The following STARD13 variants were observed in gnomAD, a reference collection of about 807,000 sequenced individuals.
The protein encoded by STARD13 is stAR-related lipid transfer protein 13.
STARD13 carries 62 observed loss-of-function variants against 106.4 expected under a neutral mutation model. The ratio of observed to expected loss-of-function variants is 0.58; its 90% CI spans 0.48 to 0.72. The LOEUF (loss-of-function observed/expected upper bound fraction) is 0.72. Among genes scored for constraint, STARD13 ranks in the 30% least tolerant of loss-of-function variants. The pLI is 0.00. For missense variants in STARD13, 1,387 were observed against 1,424.0 expected (o/e 0.97, Z 0.42); for synonymous variants, 565 against 553.0 (o/e 1.02, Z -0.31).
At chr13:33,275,115 G>A (rs916883453) in intron 1 of STARD13, among the ~76,000 whole-genome samples, 1 of 152,130 alleles carries the variant, frequency 6.6e-6, no homozygotes, top group Non-Finnish European at 1.5e-5. Context: ...GGCCAGTTCA[G>A]GGCAACTTGA....
At chr13:33,530,744 G>A in the STARD13 span, among the ~76,000 whole-genome samples, 38 of 152,190 alleles carry the variant, frequency 2.5e-4, no homozygotes, top group Admixed American at 9.2e-4. Context: ...CTATTCATGC[G>A]AAATACCTAT....
the STARD13 span, among the ~76,000 whole-genome samples, chr13:33,426,024 G>C: frequency 7.2e-5 from 11 of 152,170 alleles, no homozygotes; most frequent in African/African-American, 2.7e-4. Flanking sequence ...TTATTTTTGG[G>C]TTATCTAGGC....
chr13:33,565,377 A>G, the STARD13 span, among the ~76,000 whole-genome samples: 1 of 148,090 alleles, frequency 6.8e-6, no homozygotes, highest in East Asian at 2.0e-4. Flanking sequence ...CAAATATTTA[A>G]GGTGATAAAT....
At chr13:33,355,486 T>C (rs1480221028), upstream of STARD13, 1 of 152,248 alleles carries the variant, frequency 6.6e-6, no homozygotes, top group Non-Finnish European at 1.5e-5. Flanking sequence ...CATTATTTCA[T>C]GTTGCTTGCA....
At chr13:33,502,778 C>T in the STARD13 span, among the ~76,000 whole-genome samples, 85 of 152,278 alleles carry the variant, frequency 5.6e-4, 1 homozygote, top group African/African-American at 2.0e-3. Flanking sequence ...CTGCTAGATT[C>T]GGTTTGCCAG....
chr13:33,301,709 C>A (rs948271678), intron 1 of STARD13, among the ~76,000 whole-genome samples: 1 of 151,480 alleles, frequency 6.6e-6, no homozygotes, highest in African/African-American at 2.4e-5. Flanking sequence ...CTGGGACTAC[C>A]GGCACCCGCC....
At chr13:33,251,149 A>G (rs1481364836) in intron 1 of STARD13, among the ~76,000 whole-genome samples, 1 of 152,214 alleles carries the variant, frequency 6.6e-6, no homozygotes, top group Admixed American at 6.5e-5. Context: ...TATTTATAAA[A>G]TATCATCACA....
the STARD13 span, among the ~76,000 whole-genome samples, chr13:33,634,589 C>T: frequency 6.6e-6 from 1 of 152,164 alleles, no homozygotes; most frequent in African/African-American, 2.4e-5. Context: ...ATTCTCCTTT[C>T]TTACATCCAA....
chr13:33,415,252 C>T, the STARD13 span, among the ~76,000 whole-genome samples: 4 of 152,120 alleles, frequency 2.6e-5, no homozygotes, highest in Non-Finnish European at 5.9e-5. Flanking sequence ...CCTGTAGTCC[C>T]GGCTACTCAG....
At chr13:33,186,137 G>A in intron 1 of STARD13, 12 of 1,279,534 alleles carry the variant, frequency 9.4e-6, no homozygotes, top group Non-Finnish European at 1.2e-5. Flanking sequence ...AGCCTCAGCT[G>A]AGATTCCAAG....
the STARD13 span, among the ~76,000 whole-genome samples, chr13:33,564,115 C>T: frequency 1.4e-5 from 2 of 141,306 alleles, 1 homozygote; most frequent in Non-Finnish European, 3.0e-5. Flanking sequence ...CACTTGAACC[C>T]GGGAATTGCT....
the STARD13 span, among the ~76,000 whole-genome samples, chr13:33,622,050 C>G: frequency 6.6e-6 from 1 of 151,866 alleles, no homozygotes; most frequent in Non-Finnish European, 1.5e-5. Flanking sequence ...GGTGATCCAC[C>G]CGCCTTAGCC....
chr13:33,670,873 G>A, the STARD13 span, among the ~76,000 whole-genome samples: 1 of 152,160 alleles, frequency 6.6e-6, no homozygotes, highest in African/African-American at 2.4e-5. Context: ...TTACAAAAAT[G>A]CCCCACTGAA....
chr13:33,308,671 C>T (rs962787215), intron 1 of STARD13, among the ~76,000 whole-genome samples: 19 of 151,690 alleles, frequency 1.3e-4, no homozygotes, highest in Non-Finnish European at 2.9e-5. Context: ...TTACAGGTAC[C>T]CACCACCACG....
At chr13:33,566,026 AT>A in the STARD13 span, among the ~76,000 whole-genome samples, 1 of 148,532 alleles carries the variant, frequency 6.7e-6, no homozygotes, top group South Asian at 2.1e-4. Flanking sequence ...GTTCAAAAAT[AT>A]TAAATGAGGA....
chr13:33,112,137 T>C lies in STARD13; in HGVS notation c.2493-245A>G, dbSNP rs1425314321. On this transcript the variant is annotated intron_variant, in intron 9 of 13. Coordinates refer to ENST00000336934, the MANE Select transcript of STARD13 (RefSeq NM_178006.4). ...AGAACAGCAGGGGACAAAATTAATC[T>C]GTTTTTCCAAAGTTTGAAACCCCTT... 2.0e-5 allele frequency among the ~76,000 whole-genome samples: 3 copies of C among 152,220 alleles called. 1 individual carries two copies. Among genetic ancestry groups the C allele is most frequent in the South Asian group, 4.1e-4 (2 of 4,822 alleles).
intron 1 of STARD13, among the ~76,000 whole-genome samples, chr13:33,271,105 T>A (rs568854912): frequency 2.0e-5 from 3 of 152,306 alleles, no homozygotes; most frequent in South Asian, 2.1e-4. Context: ...GATACTTTTT[T>A]CTGACTGGCT....
At chr13:33,186,208 C>T in intron 1 of STARD13, 1 of 631,118 alleles carries the variant, frequency 1.6e-6, no homozygotes, top group South Asian at 2.5e-5. Flanking sequence ...CAAAGATTTG[C>T]ATCACAGCCT....
the STARD13 span, among the ~76,000 whole-genome samples, chr13:33,672,053 A>C: frequency 0.02 from 3,093 of 152,310 alleles, 52 homozygotes; most frequent in South Asian, 0.028. Context: ...TTCTACTATA[A>C]AGACACATGC....
Sources: gnomAD v4.1 joint callset for allele counts (sites outside exome capture counted in the v4.1 genomes callset) on GRCh38, gnomAD v4.1.1 for gene constraint, MANE v1.5 for transcripts, NCBI Gene and HGNC (gene_info 2026-07-23, HGNC 2026-07-21) for gene names.